Variants in SCRG1 observed in about 807,000 individuals in gnomAD.
SCRG1 encodes scrapie-responsive protein 1.
SCRG1 carries 3 observed loss-of-function variants against 7.7 expected under a neutral mutation model. The observed-to-expected ratio is 0.39, with a 90% confidence interval of 0.18 to 1.01. The LOEUF (loss-of-function observed/expected upper bound fraction) is 1.01, where lower values mean the gene tolerates loss of function less well. Ranked by LOEUF, SCRG1 falls within the 50% of genes least tolerant of loss-of-function variation. The pLI, the probability that SCRG1 is intolerant of heterozygous loss-of-function variation, is 0.36. For missense variants in SCRG1, 110 were observed against 117.2 expected, an observed-to-expected ratio of 0.94 and a Z score of 0.28; for synonymous variants, 46 against 41.2, an observed-to-expected ratio of 1.12 and a Z score of -0.44.
chr4:173,428,026 G>A, the SCRG1 span, among the ~76,000 whole-genome samples: 4 of 152,262 alleles, frequency 2.6e-5, no homozygotes, highest in South Asian at 4.1e-4. Context: ...GAAAATGTTA[G>A]ACACAAGAAT....
chr4:173,461,121 G>A, the SCRG1 span, among the ~76,000 whole-genome samples: 1 of 152,124 alleles, frequency 6.6e-6, no homozygotes, highest in Non-Finnish European at 1.5e-5. Flanking sequence ...GGCACTTCTG[G>A]GCCCACCCGG....
At chr4:173,484,741 T>TTATATATTATATGCATATAATACATAA in the SCRG1 span, among the ~76,000 whole-genome samples, 50 of 89,608 alleles carry the variant, frequency 5.6e-4, 1 homozygote, top group African/African-American at 2.5e-3. Flanking sequence ...ATAATACATA[T>TTATATATTATATGCATATAATACATAA]TATATATTAT....
chr4:173,407,217 A>C (rs898869396), upstream of SCRG1, among the ~76,000 whole-genome samples: 1 of 150,192 alleles, frequency 6.7e-6, no homozygotes, highest in African/African-American at 2.5e-5. Context: ...CAAAAAAAAA[A>C]AAAAATAGAG....
At chr4:173,450,982 A>G in the SCRG1 span, among the ~76,000 whole-genome samples, 1 of 152,126 alleles carries the variant, frequency 6.6e-6, no homozygotes, top group Non-Finnish European at 1.5e-5. Context: ...AAGGGGGAGG[A>G]GCTAAAGACG....
chr4:173,472,066 T>C, the SCRG1 span, among the ~76,000 whole-genome samples: 1 of 152,224 alleles, frequency 6.6e-6, no homozygotes, highest in Non-Finnish European at 1.5e-5. Context: ...GGGTGCCTTC[T>C]TTTTCTTACC....
chr4:173,459,780 G>A, the SCRG1 span, among the ~76,000 whole-genome samples: 1 of 152,154 alleles, frequency 6.6e-6, no homozygotes, highest in Non-Finnish European at 1.5e-5. Flanking sequence ...TAAAGAGGTT[G>A]GTTAATGGGT....
chr4:173,433,426 A>G, the SCRG1 span, among the ~76,000 whole-genome samples: 96 of 152,312 alleles, frequency 6.3e-4, no homozygotes, highest in Non-Finnish European at 1.1e-3. Context: ...GTGTTTACCA[A>G]TGCAAGTTCT....
the SCRG1 span, among the ~76,000 whole-genome samples, chr4:173,436,926 C>A: frequency 6.6e-6 from 1 of 152,154 alleles, no homozygotes; most frequent in Non-Finnish European, 1.5e-5. Context: ...TAAGCATCTC[C>A]CCAGACTGTA....
chr4:173,483,184 T>A, the SCRG1 span, among the ~76,000 whole-genome samples: 1 of 27,752 alleles, frequency 3.6e-5, no homozygotes, highest in Non-Finnish European at 7.7e-5. Context: ...TATAATATAT[T>A]ATATATGATA....
chr4:173,444,601 G>C, the SCRG1 span, among the ~76,000 whole-genome samples: 2 of 152,168 alleles, frequency 1.3e-5, no homozygotes, highest in Non-Finnish European at 2.9e-5. Context: ...GATTTCTGCT[G>C]GTCATACTAT....
chr4:173,482,957 T>A, the SCRG1 span, among the ~76,000 whole-genome samples: 1 of 134,462 alleles, frequency 7.4e-6, no homozygotes, highest in Non-Finnish European at 1.5e-5. Context: ...TAATATATTG[T>A]ACATATTGTA....
At chr4:173,415,961 G>A in the SCRG1 span, among the ~76,000 whole-genome samples, 3 of 152,210 alleles carry the variant, frequency 2.0e-5, no homozygotes, top group African/African-American at 4.8e-5. Flanking sequence ...AAGGCTGATT[G>A]TCATATTGAA....
upstream of SCRG1, among the ~76,000 whole-genome samples, chr4:173,407,026 G>A (rs147169033): frequency 6.0e-3 from 918 of 151,920 alleles, 8 homozygotes; most frequent in African/African-American, 0.018. Flanking sequence ...TGGCCAACAT[G>A]GTGAAACCCT....
the SCRG1 span, chr4:173,419,357 AT>A: frequency 9.3e-7 from 1 of 1,070,304 alleles, no homozygotes; most frequent in East Asian, 2.4e-5. Context: ...CTTCTTTTTA[AT>A]TTCTTTCTTG....
At chr4:173,389,310 A>G (rs537418084) in intron 2 of SCRG1, among the ~76,000 whole-genome samples, 33 of 152,226 alleles carry the variant, frequency 2.2e-4, no homozygotes, top group Admixed American at 3.9e-4. Flanking sequence ...CAAGGCGGGC[A>G]GATCACGAGG....
the SCRG1 span, among the ~76,000 whole-genome samples, chr4:173,444,213 A>G: frequency 6.6e-6 from 1 of 152,002 alleles, no homozygotes; most frequent in African/African-American, 2.4e-5. Flanking sequence ...ACCTCGGGTG[A>G]TTCACCCGCC....
chr4:173,392,567 T>C (rs1429915543), intron 1 of SCRG1, among the ~76,000 whole-genome samples: 1 of 152,248 alleles, frequency 6.6e-6, no homozygotes, highest in Non-Finnish European at 1.5e-5. Context: ...AGGATTTGCA[T>C]AGAAGTATAG....
At chr4:173,463,342 C>T in the SCRG1 span, among the ~76,000 whole-genome samples, 7 of 152,240 alleles carry the variant, frequency 4.6e-5, no homozygotes, top group Admixed American at 1.3e-4. Context: ...GCCGTGATCT[C>T]GGCTCACTGC....
the SCRG1 span, among the ~76,000 whole-genome samples, chr4:173,461,129 C>T: frequency 5.8e-4 from 89 of 152,286 alleles, no homozygotes; most frequent in Middle Eastern, 3.4e-3. Flanking sequence ...TGGGCCCACC[C>T]GGGGCCTGGA....
Sources: gnomAD v4.1 joint callset for allele counts (sites outside exome capture counted in the v4.1 genomes callset) on GRCh38, gnomAD v4.1.1 for gene constraint, MANE v1.5 for transcripts, NCBI Gene and HGNC (gene_info 2026-07-23, HGNC 2026-07-21) for gene names.